The following TAFA4 variants were observed in gnomAD, a reference collection of about 807,000 sequenced individuals.
TAFA4 encodes the protein chemokine-like protein TAFA-4.
A neutral mutation model predicts 21.1 loss-of-function variants in TAFA4; 20 were observed. The ratio of observed to expected loss-of-function variants is 0.95; its 90% CI spans 0.67 to 1.38. TAFA4 has a LOEUF of 1.38. TAFA4 is among the 40% of genes most tolerant of loss of function. TAFA4 has a pLI of 0.00. For synonymous variants in TAFA4, 71 were observed against 67.4 expected (o/e 1.05, Z -0.26); for missense variants, 211 against 180.9 (o/e 1.17, Z -0.95).
intron 3 of TAFA4, among the ~76,000 whole-genome samples, chr3:68,868,049 A>G (rs1469232484): frequency 6.6e-6 from 1 of 152,070 alleles, no homozygotes; most frequent in African/African-American, 2.4e-5. Flanking sequence ...AAAGACATAG[A>G]GTGGCTGAGT....
chr3:68,830,075 T>G (rs142892146), intron 3 of TAFA4, among the ~76,000 whole-genome samples: 2,639 of 152,294 alleles, frequency 0.017, 88 homozygotes, highest in East Asian at 0.11. Context: ...GATTCTTCTC[T>G]CTTTTCTTCT....
In TAFA4 at chr3:68,752,538, C is replaced by T. The variant is rs542424428; in HGVS notation, c.286+325G>A. On this transcript the variant is annotated intron_variant, in intron 4 of 5. Transcript: ENST00000295569. ...CATGCTGCTAATTTTGAGTAGAGAG[C>T]ATAAGAGGAAGGAGAACAGGGCATC... is the stretch of plus-strand genomic sequence containing the variant. 7.2e-5 allele frequency among the ~76,000 whole-genome samples: 11 copies of T among 152,204 alleles called. No homozygotes were observed. The East Asian group carries it at 2.1e-3, about 29-fold the overall frequency.
chr3:68,926,024 G>T lies in TAFA4; in HGVS notation c.-123+6216C>A, dbSNP rs149404481. ...AGGCAGCCAGATTACTTGAGGTCAG[G>T]AGTTCCAGACCAGCCTGGTCAACAT... On this transcript the variant is annotated intron_variant, in intron 1 of 5. Coordinates refer to ENST00000295569, the MANE Select transcript of TAFA4 (RefSeq NM_182522.5). 2.4e-3 allele frequency among the ~76,000 whole-genome samples: 360 copies of T among 152,246 alleles called. 2 individuals carry two copies. Among genetic ancestry groups the T allele is most frequent in the East Asian group, 0.014 (71 of 5,176 alleles).
At position 68,789,779 on chromosome 3, in the gene TAFA4, G is replaced by A. The variant is rs189188231; in HGVS notation, c.131-36761C>T. 7.2e-5 allele frequency among the ~76,000 whole-genome samples: 11 copies of A among 152,258 alleles called. No individual in the cohort carries two copies. The South Asian group carries it at 1.2e-3, about 17-fold the overall frequency. ...GCCACTGTAAAAATATCCATCGGAT[G>A]AATTAACTTTGTTTCTCATCAGAAA... is the stretch of plus-strand genomic sequence containing the variant. On this transcript the variant is annotated intron_variant, in intron 3 of 5. Transcript: ENST00000295569.
chr3:68,811,326 T>C (rs149630346), intron 3 of TAFA4, among the ~76,000 whole-genome samples: 299 of 152,308 alleles, frequency 2.0e-3, no homozygotes, highest in African/African-American at 6.7e-3. Flanking sequence ...GGACAGAGAA[T>C]GACTTCGACA....
intron 4 of TAFA4, among the ~76,000 whole-genome samples, chr3:68,746,942 AGCACTTCCG>A (rs1259432841): frequency 6.6e-6 from 1 of 152,204 alleles, no homozygotes; most frequent in African/African-American, 2.4e-5. Flanking sequence ...GATGTAAGGC[AGCACTTCCG>A]GCCTCTACAT....
chr3:68,836,275 C>G (rs1225761238), intron 3 of TAFA4, among the ~76,000 whole-genome samples: 1 of 152,206 alleles, frequency 6.6e-6, no homozygotes, highest in East Asian at 1.9e-4. Flanking sequence ...CGCCTGTCAC[C>G]AGGATTGTTT....
chr3:68,927,716 T>A (rs762009002), intron 1 of TAFA4, among the ~76,000 whole-genome samples: 12 of 151,870 alleles, frequency 7.9e-5, no homozygotes, highest in Non-Finnish European at 1.2e-4. Flanking sequence ...CTGGGGAACA[T>A]GCTGAGACTC....
intron 4 of TAFA4, among the ~76,000 whole-genome samples, chr3:68,752,644 A>C (rs1205084209): frequency 6.6e-6 from 1 of 152,212 alleles, no homozygotes; most frequent in Non-Finnish European, 1.5e-5. Flanking sequence ...CAACTGCCCT[A>C]TAATATAACT....
At chr3:68,912,871 A>C (rs1458729835) in intron 1 of TAFA4, among the ~76,000 whole-genome samples, 1 of 152,220 alleles carries the variant, frequency 6.6e-6, no homozygotes, top group Non-Finnish European at 1.5e-5. Context: ...GGTGGATGTT[A>C]ATAAAAAGTA....
intron 3 of TAFA4, among the ~76,000 whole-genome samples, chr3:68,833,024 G>A (rs1227926514): frequency 6.6e-6 from 1 of 152,234 alleles, no homozygotes; most frequent in Non-Finnish European, 1.5e-5. Flanking sequence ...GGCACAGGAG[G>A]GAACCTCCTG....
At chr3:68,813,957 C>G (rs1472522342) in intron 3 of TAFA4, among the ~76,000 whole-genome samples, 15 of 152,170 alleles carry the variant, frequency 9.9e-5, no homozygotes, top group African/African-American at 3.4e-4. Context: ...ACATCAAAAA[C>G]CTTATCCACC....
At chr3:68,794,076 C>G (rs1158769275) in intron 3 of TAFA4, among the ~76,000 whole-genome samples, 1 of 152,110 alleles carries the variant, frequency 6.6e-6, no homozygotes, top group Non-Finnish European at 1.5e-5. Flanking sequence ...AAACTCCTCT[C>G]TTTAGAATAA....
chr3:68,780,100 G>A (rs1282743572), intron 3 of TAFA4, among the ~76,000 whole-genome samples: 1 of 152,182 alleles, frequency 6.6e-6, no homozygotes, highest in Non-Finnish European at 1.5e-5. Context: ...TTTAGGACTT[G>A]CATGGGGCAT....
chr3:68,765,292 A>G (rs1431753032), intron 3 of TAFA4, among the ~76,000 whole-genome samples: 1 of 152,182 alleles, frequency 6.6e-6, no homozygotes, highest in East Asian at 1.9e-4. Context: ...TAATGTAGAA[A>G]TTGGTGATAA....
At chr3:68,918,710 T>C (rs1387097427) in intron 1 of TAFA4, among the ~76,000 whole-genome samples, 1 of 152,126 alleles carries the variant, frequency 6.6e-6, no homozygotes, top group Non-Finnish European at 1.5e-5. Flanking sequence ...TGCTTAATTT[T>C]TGTATTTTTT....
chr3:68,828,725 T>A (rs1704311563), intron 3 of TAFA4, among the ~76,000 whole-genome samples: 1 of 152,200 alleles, frequency 6.6e-6, no homozygotes. Context: ...GCACATTGAT[T>A]TTGTATCCTG....
chr3:68,783,750 A>AAAGAAAGAAAGAAAGAAAGT (rs1293659540), intron 3 of TAFA4, among the ~76,000 whole-genome samples: 390 of 146,122 alleles, frequency 2.7e-3, no homozygotes, highest in East Asian at 7.0e-3. Flanking sequence ...AGAAAGTAAG[A>AAAGAAAGAAAGAAAGAAAGT]AAGAAAGAAA....
At chr3:68,893,583 C>G (rs1210320016) in intron 1 of TAFA4, among the ~76,000 whole-genome samples, 1 of 152,180 alleles carries the variant, frequency 6.6e-6, no homozygotes, top group Non-Finnish European at 1.5e-5. Context: ...GAGGTGCCTT[C>G]CAGCTGTAAC....
Sources: allele counts gnomAD v4.1 joint callset (sites outside exome capture counted in the v4.1 genomes callset), GRCh38; gene constraint gnomAD v4.1.1; transcripts MANE v1.5; gene names NCBI Gene and HGNC (gene_info 2026-07-23, HGNC 2026-07-21).